The following SNX25 variants were observed in gnomAD, a reference collection of about 807,000 sequenced individuals.
The protein encoded by SNX25 is sorting nexin 25.
A neutral mutation model predicts 113.7 loss-of-function variants in SNX25; 62 were observed. The ratio of observed to expected loss-of-function variants is 0.55; its 90% CI spans 0.44 to 0.67. The LOEUF is 0.67. Ranked by LOEUF, SNX25 falls within the 30% of genes least tolerant of loss-of-function variation. The probability of loss-of-function intolerance (pLI) is 0.00; values close to 1 mark genes in which losing one functional copy is unlikely to be tolerated. For missense variants in SNX25, 1,014 were observed against 1,161.0 expected (o/e 0.87, Z 1.84); for synonymous variants, 421 against 436.2 (o/e 0.97, Z 0.43).
At chr4:185,214,474 G>A (rs1203932182) in intron 1 of SNX25, among the ~76,000 whole-genome samples, 1 of 151,954 alleles carries the variant, frequency 6.6e-6, no homozygotes, top group Non-Finnish European at 1.5e-5. Context: ...TTGGGAGGCT[G>A]AGGCAGGAGG....
intron 1 of SNX25, among the ~76,000 whole-genome samples, chr4:185,229,421 G>A (rs563656276): frequency 2.0e-4 from 30 of 152,348 alleles, no homozygotes; most frequent in African/African-American, 6.7e-4. Context: ...TGCGGTGTGG[G>A]TGGAATCTGC....
chr4:185,346,863 C>A (rs921078169), intron 13 of SNX25, among the ~76,000 whole-genome samples: 5 of 152,144 alleles, frequency 3.3e-5, no homozygotes, highest in African/African-American at 1.2e-4. Context: ...AAACTGAACA[C>A]ACCCATGTAA....
intron 1 of SNX25, among the ~76,000 whole-genome samples, chr4:185,236,000 G>T (rs1159833691): frequency 6.6e-6 from 1 of 152,216 alleles, no homozygotes; most frequent in East Asian, 1.9e-4. Context: ...AACACAATCT[G>T]TGGTAATTAA....
intron 1 of SNX25, among the ~76,000 whole-genome samples, chr4:185,219,869 G>T (rs1579328620): frequency 2.0e-5 from 3 of 150,922 alleles, no homozygotes; most frequent in East Asian, 3.9e-4. Context: ...AACTGTTCCA[G>T]ATATTTCCAT....
chr4:185,335,420 T>C (rs2095223746), intron 10 of SNX25, among the ~76,000 whole-genome samples: 2 of 152,160 alleles, frequency 1.3e-5, no homozygotes, highest in African/African-American at 2.4e-5. Flanking sequence ...GCAATTAACA[T>C]ATCCCACCCC....
intron 1 of SNX25, among the ~76,000 whole-genome samples, chr4:185,241,098 T>C (rs1401442207): frequency 6.6e-6 from 1 of 151,542 alleles, no homozygotes; most frequent in Non-Finnish European, 1.5e-5. Context: ...GAGGCTGCAA[T>C]CTCGGCACTT....
downstream of SNX25, among the ~76,000 whole-genome samples, chr4:185,368,156 C>T (rs1319188411): frequency 6.6e-6 from 1 of 152,150 alleles, no homozygotes; most frequent in Non-Finnish European, 1.5e-5. Flanking sequence ...CCAGCCTGGG[C>T]AACAGAGCCA....
intron 1 of SNX25, among the ~76,000 whole-genome samples, chr4:185,221,385 C>T (rs1429240753): frequency 2.6e-5 from 4 of 152,046 alleles, no homozygotes; most frequent in African/African-American, 4.8e-5. Flanking sequence ...GTGTTGCCCA[C>T]GCAGGTCTCA....
At chr4:185,246,174 A>G (rs1744841070) in intron 1 of SNX25, among the ~76,000 whole-genome samples, 1 of 152,102 alleles carries the variant, frequency 6.6e-6, no homozygotes. Context: ...AGTCCCAGCT[A>G]CTCTGGAGGC....
intron 6 of SNX25, among the ~76,000 whole-genome samples, chr4:185,301,776 A>G (rs1283349364): frequency 6.6e-6 from 1 of 152,018 alleles, no homozygotes; most frequent in Non-Finnish European, 1.5e-5. Context: ...TCATAGAGAC[A>G]GGGTTTCACC....
chr4:185,320,861 C>A lies in SNX25; in HGVS notation c.1473C>A (p.Asn491Lys). 6.3e-7 allele frequency: 1 copy of A among 1,596,682 alleles called. No individual in the cohort carries two copies. The highest frequency in any genetic ancestry group is 8.5e-7 in the Non-Finnish European group (1 of 1,173,708). The change falls in exon 8 of 19, where the codon AAC becomes AAA. Residue 491 changes from asparagine to lysine, a missense_variant. Transcript: ENST00000652585. ...WESVEHLKNA[N>K]KNEIPQLVGE... The stretch of plus-strand genomic sequence containing the variant: ...CTGTGGAACATTTAAAGAATGCTAA[C>A]AAGGTAGTATATGTAGGCTGAAAGG...
chr4:185,261,283 T>G (rs1249381075), intron 3 of SNX25, among the ~76,000 whole-genome samples: 2 of 152,210 alleles, frequency 1.3e-5, no homozygotes, highest in Admixed American at 1.3e-4. Context: ...GTTCAAGAAT[T>G]CTTGTGCCTT....
chr4:185,336,969 A>T (rs1349417942), intron 10 of SNX25, among the ~76,000 whole-genome samples: 2 of 151,936 alleles, frequency 1.3e-5, no homozygotes, highest in Non-Finnish European at 2.9e-5. Flanking sequence ...TCTTTTCAGA[A>T]TTGTCTATTC....
intron 1 of SNX25, among the ~76,000 whole-genome samples, chr4:185,227,732 T>C (rs1195907114): frequency 2.6e-5 from 4 of 152,084 alleles, no homozygotes; most frequent in Non-Finnish European, 4.4e-5. Context: ...CCATGTAGAT[T>C]TTGAGATGCC....
intron 1 of SNX25, among the ~76,000 whole-genome samples, chr4:185,231,596 A>G (rs917020624): frequency 6.6e-6 from 1 of 151,726 alleles, no homozygotes; most frequent in South Asian, 2.1e-4. Context: ...CTGTAGTCCC[A>G]GCTACTCGGG....
intron 1 of SNX25, among the ~76,000 whole-genome samples, chr4:185,239,433 A>G (rs1743263665): frequency 1.3e-5 from 2 of 151,942 alleles, no homozygotes; most frequent in South Asian, 4.1e-4. Context: ...CAGTGAGCTG[A>G]GATCGCACCG....
chr4:185,223,740 C>T (rs1274507595), intron 1 of SNX25, among the ~76,000 whole-genome samples: 3 of 79,130 alleles, frequency 3.8e-5, no homozygotes, highest in Non-Finnish European at 5.6e-5. Flanking sequence ...GAGATCGTGC[C>T]GAAAAAAAAA....
chr4:185,211,751 A>G (rs934550040), intron 1 of SNX25, among the ~76,000 whole-genome samples: 2 of 152,180 alleles, frequency 1.3e-5, no homozygotes, highest in East Asian at 3.8e-4. Context: ...GAGGTAAGAG[A>G]TGAAGAGGGA....
At chr4:185,319,091 AT>A (rs201106379) in intron 7 of SNX25, among the ~76,000 whole-genome samples, 8,206 of 47,210 alleles carry the variant, frequency 0.17, 315 homozygotes, top group South Asian at 0.31. Context: ...ATTTTATTTT[AT>A]TTTTTTTATT....
Sources: allele counts gnomAD v4.1 joint callset (sites outside exome capture counted in the v4.1 genomes callset), GRCh38; gene constraint gnomAD v4.1.1; transcripts MANE v1.5; gene names NCBI Gene and HGNC (gene_info 2026-07-23, HGNC 2026-07-21).